Variants in CUX1 observed in about 807,000 individuals in gnomAD.
CUX1 encodes the protein protein CASP.
In CUX1, 31 loss-of-function variants were observed where a neutral mutation model predicts 158.8. The observed-to-expected ratio is 0.20, with a 90% confidence interval of 0.15 to 0.26. CUX1 has a LOEUF of 0.26. CUX1 is among the 10% of genes least tolerant of loss of function. The probability of loss-of-function intolerance (pLI) is 1.00; values close to 1 mark genes in which losing one functional copy is unlikely to be tolerated. For synonymous variants in CUX1, 879 were observed against 862.1 expected (o/e 1.02, Z -0.34); for missense variants, 1,589 against 2,014.6 (o/e 0.79, Z 4.04).
intron 12 of CUX1, among the ~76,000 whole-genome samples, chr7:102,191,375 G>A (rs1015796592): frequency 6.6e-6 from 1 of 152,052 alleles, no homozygotes; most frequent in Non-Finnish European, 1.5e-5. Flanking sequence ...CTGGGATTAC[G>A]GGCATGAGCC....
At chr7:101,887,670 G>A (rs1392859703) in intron 1 of CUX1, among the ~76,000 whole-genome samples, 1 of 151,908 alleles carries the variant, frequency 6.6e-6, no homozygotes, top group African/African-American at 2.4e-5. Flanking sequence ...TCAGCATTGG[G>A]AGCATTTCCG....
At chr7:101,925,486 A>G (rs1380916538) in intron 2 of CUX1, among the ~76,000 whole-genome samples, 1 of 152,196 alleles carries the variant, frequency 6.6e-6, no homozygotes, top group South Asian at 2.1e-4. Flanking sequence ...GATAGTTGGT[A>G]TGAGGTTTCT....
At chr7:102,271,499 C>G (rs1554546242) in intron 14 of CUX1, among the ~76,000 whole-genome samples, 1 of 152,230 alleles carries the variant, frequency 6.6e-6, no homozygotes, top group African/African-American at 2.4e-5. Flanking sequence ...CCCAAGGACT[C>G]TGTACTCAGG....
chr7:102,249,240 C>G lies in CUX1; in HGVS notation c.*198C>G. On this transcript the variant is annotated 3_prime_UTR_variant, in exon 24 of 24. Transcript: ENST00000292535. ...GACCCGAGGCCCAGATCCAAGGCCG[C>G]GGCCCAGACCCACTCTGCGGCCCGG... The G allele has an allele frequency of 9.2e-7, 1 of 1,084,298 alleles. No homozygotes were observed. The highest frequency in any genetic ancestry group is 1.1e-6 in the Non-Finnish European group (1 of 892,662). The allele number at this position is 1,084,298 out of a possible 1,614,324, so 67.2% of individuals were successfully genotyped here.
chr7:102,122,620 A>G (rs1240627339), intron 8 of CUX1, among the ~76,000 whole-genome samples: 11 of 152,166 alleles, frequency 7.2e-5, no homozygotes, highest in Admixed American at 7.2e-4. Flanking sequence ...GACAAAAACA[A>G]GGGGGTGGCT....
At chr7:102,261,058 G>A (rs970710426), downstream of CUX1, among the ~76,000 whole-genome samples, 1 of 152,248 alleles carries the variant, frequency 6.6e-6, no homozygotes, top group Non-Finnish European at 1.5e-5. Context: ...CCGGCCAGTG[G>A]GCCGTTGCTT....
intron 2 of CUX1, among the ~76,000 whole-genome samples, chr7:102,021,371 C>T (rs1819319325): frequency 1.3e-5 from 2 of 152,256 alleles, no homozygotes; most frequent in Middle Eastern, 6.8e-3. Flanking sequence ...TACAGTGGCA[C>T]AGTCATAGCT....
chr7:102,023,399 T>C (rs971269605), intron 2 of CUX1, among the ~76,000 whole-genome samples: 4 of 151,708 alleles, frequency 2.6e-5, no homozygotes, highest in Non-Finnish European at 4.4e-5. Flanking sequence ...CAGCAAAGAG[T>C]GCTGTGTTCT....
intron 8 of CUX1, among the ~76,000 whole-genome samples, chr7:102,148,724 T>A (rs1394495178): frequency 1.3e-5 from 2 of 148,382 alleles, no homozygotes; most frequent in African/African-American, 4.9e-5. Context: ...ATATATATAT[T>A]ATATATTACT....
chr7:102,000,980 G>A (rs1053021013), intron 2 of CUX1, among the ~76,000 whole-genome samples: 1 of 152,094 alleles, frequency 6.6e-6, no homozygotes, highest in Non-Finnish European at 1.5e-5. Flanking sequence ...GTATCGCTTT[G>A]TTGCCCAGGC....
chr7:102,016,574 T>TGCACCCCA (rs1309744439), intron 2 of CUX1, among the ~76,000 whole-genome samples: 1 of 152,238 alleles, frequency 6.6e-6, no homozygotes, highest in Non-Finnish European at 1.5e-5. Context: ...ACCACACCCC[T>TGCACCCCA]GCACTCCAGC....
chr7:102,267,264 T>TGGG (rs1790880397), intron 14 of CUX1, among the ~76,000 whole-genome samples: 1 of 152,152 alleles, frequency 6.6e-6, no homozygotes, highest in African/African-American at 2.4e-5. Flanking sequence ...GCCGGGCATG[T>TGGG]GGCTCATGCC....
intron 1 of CUX1, among the ~76,000 whole-genome samples, chr7:101,821,760 C>T (rs1460008635): frequency 7.5e-6 from 1 of 133,828 alleles, no homozygotes; most frequent in Non-Finnish European, 1.6e-5. Flanking sequence ...CTGCAAGCTC[C>T]GCCTCCAGGG....
At chr7:101,821,477 T>G (rs1388416793) in intron 1 of CUX1, among the ~76,000 whole-genome samples, 1 of 149,198 alleles carries the variant, frequency 6.7e-6, no homozygotes, top group South Asian at 2.1e-4. Flanking sequence ...TAGCTGGGAC[T>G]ACAGGCGCTG....
At chr7:102,151,719 C>G (rs991039441) in intron 8 of CUX1, among the ~76,000 whole-genome samples, 5 of 92,232 alleles carry the variant, frequency 5.4e-5, no homozygotes, top group African/African-American at 2.6e-4. Context: ...CAGAGTGAGA[C>G]TCTGTCTCAA....
chr7:102,026,594 C>T (rs1820051087), intron 2 of CUX1, among the ~76,000 whole-genome samples: 1 of 151,620 alleles, frequency 6.6e-6, no homozygotes, highest in South Asian at 2.1e-4. Flanking sequence ...CTGAGGTGGG[C>T]GGATCACCTA....
At chr7:101,857,783 G>A (rs1797028556) in intron 1 of CUX1, among the ~76,000 whole-genome samples, 1 of 151,910 alleles carries the variant, frequency 6.6e-6, no homozygotes, top group Non-Finnish European at 1.5e-5. Flanking sequence ...TCCCCCCTTA[G>A]CTCTTCCTCC....
At position 102,083,917 on chromosome 7, in the gene CUX1, G is replaced by A. The variant is rs781958949; in HGVS notation, c.269-13447G>A. Among the ~76,000 whole-genome samples, 4 of 145,002 alleles carry A rather than the reference G, an allele frequency of 2.8e-5. No homozygotes were observed. The East Asian group carries it at 7.7e-4, about 28-fold the overall frequency. ...TTTTATTATTATTATTTTTAATCTC[G>A]CTTCATCACCAAGGCTGGAGTAAAG... On this transcript the variant is annotated intron_variant, in intron 4 of 23. Transcript: ENST00000292535.
intron 1 of CUX1, among the ~76,000 whole-genome samples, chr7:101,848,566 T>A: frequency 6.6e-6 from 1 of 152,146 alleles, no homozygotes; most frequent in South Asian, 2.1e-4. Flanking sequence ...TTCTCCCCCT[T>A]GTATTTTCCC....
Sources: allele counts gnomAD v4.1 joint callset (sites outside exome capture counted in the v4.1 genomes callset), GRCh38; gene constraint gnomAD v4.1.1; transcripts MANE v1.5; gene names NCBI Gene and HGNC (gene_info 2026-07-23, HGNC 2026-07-21).